ITPR3: variants seen among roughly 807,000 people sequenced by gnomAD.
ITPR3 encodes the protein inositol 1,4,5-trisphosphate-gated calcium channel ITPR3.
Under a neutral mutation model 293.2 loss-of-function variants are expected in ITPR3, and 173 were observed. The ratio of observed to expected loss-of-function variants is 0.59; its 90% CI spans 0.52 to 0.67. The LOEUF is 0.67. ITPR3 is among the 30% of genes least tolerant of loss of function. The pLI, the probability that ITPR3 is intolerant of heterozygous loss-of-function variation, is 0.00. For missense variants in ITPR3, 2,796 were observed against 3,592.1 expected (o/e 0.78, Z 5.66); for synonymous variants, 1,295 against 1,444.4 (o/e 0.90, Z 2.35).
At position 33,675,661 on chromosome 6, in the gene ITPR3, C is replaced by T. The variant is rs1764885759; in HGVS notation, c.3117-30C>T. The T allele has an allele frequency of 6.4e-7, 1 of 1,565,184 alleles. No individual in the cohort carries two copies. Among genetic ancestry groups the T allele is most frequent in the Non-Finnish European group, 8.7e-7 (1 of 1,152,490 alleles). On this transcript the variant is annotated intron_variant, in intron 24 of 57. Coordinates refer to ENST00000605930, the MANE Select transcript of ITPR3 (RefSeq NM_002224.4). The surrounding 1 kb of genome is among the most constrained non-coding windows in gnomAD (Gnocchi z 5.0). ...GACAGCAGGGAGTGTGCCAGTCTCA[C>T]CCATGCGCCCTGCACCCTTGTGCCC...
rs1278542625 is a variant in ITPR3, at chr6:33,685,080, A to C, written c.5307+137A>C. On this transcript the variant is annotated intron_variant, in intron 39 of 57. Transcript: ENST00000605930. ...CCTGAGCAGTGGCTGAGAGGTGAGA[A>C]GAGTGGGCATGATGGGGGCAGGGTG... 2.8e-6 allele frequency: 3 copies of C among 1,062,094 alleles called. No individual in the cohort carries two copies. In the Admixed American group the frequency reaches 8.0e-5, roughly 28 times the overall value. The allele number at this position is 1,062,094 out of a possible 1,614,324, so 65.8% of individuals were successfully genotyped here. A position where few individuals can be genotyped will look rare whatever the true frequency, so the allele number is the denominator to read the frequency against.
intron 7 of ITPR3, among the ~76,000 whole-genome samples, chr6:33,661,086 A>G (rs12204421): frequency 0.23 from 35,175 of 152,144 alleles, 4,253 homozygotes; most frequent in Middle Eastern, 0.33. Flanking sequence ...TGCTAAGTCC[A>G]CTGCTTTTTT....
Position 33,691,653 on chromosome 6 carries a change from G to A in ITPR3, c.7264G>A (p.Val2422Met). The change falls in exon 53 of 58, where the codon GTG (valine) becomes ATG (methionine). Residue 2422 changes from valine (V) to methionine (M), a missense_variant. This residue lies in a region of ITPR3 where 568 missense variants were observed against 796.1 expected (regional missense o/e 0.71). Transcript: ENST00000605930. The surrounding 1 kb of genome is among the most constrained non-coding windows in gnomAD (Gnocchi z 4.9). ...LGMPHGAAAF[V>M]DTCSGDKMDC... ...GATGCCACATGGAGCTGCTGCATTTGTGGACACCTGCAGTGGGGACAAGAT... is the reference window on the plus strand; with the variant it reads ...GATGCCACATGGAGCTGCTGCATTTATGGACACCTGCAGTGGGGACAAGAT... The A allele has an allele frequency of 6.2e-7, 1 of 1,614,106 alleles. No homozygotes were observed. The highest frequency in any genetic ancestry group is 8.5e-7 in the Non-Finnish European group (1 of 1,180,006).
chr6:33,665,706 TG>T, intron 13 of ITPR3, 128 bp from the exon 14 acceptor site: 1 of 982,962 alleles, frequency 1.0e-6, no homozygotes, highest in Non-Finnish European at 1.5e-6. Context: ...AGGCTGAGGA[TG>T]GGTTTTGTGC....
At chr6:33,673,837 C>T in intron 23 of ITPR3, 117 bp downstream of exon 23, 1 of 1,189,408 alleles carries the variant, frequency 8.4e-7, no homozygotes, top group Admixed American at 2.5e-5. Flanking sequence ...AAGGCCTTTT[C>T]TTTCCACTGT....
At position 33,673,710 on chromosome 6, in the gene ITPR3, C is replaced by A; in HGVS notation, c.3048C>A (p.Phe1016Leu). 1.2e-6 allele frequency: 2 copies of A among 1,614,130 alleles called. No individual in the cohort carries two copies. Among genetic ancestry groups the A allele is most frequent in the Non-Finnish European group, 1.7e-6 (2 of 1,179,992 alleles). ...DSGADGTAPAFDSTTANMNLD... is the reference protein window; with the variant it reads ...DSGADGTAPALDSTTANMNLD... ...GGGCTGATGGCACAGCCCCTGCCTT[C>A]GACTCTACCAGTAAGCCCCTGCCCT... Residue 1016 changes from phenylalanine to leucine, a missense_variant, in exon 23 of 58, where the codon TTC (phenylalanine) becomes TTA (leucine). Physicochemically the swap from Phe to Leu is conservative, Grantham distance 22. Around this residue, in one of 8 missense-constraint regions of ITPR3, gnomAD observed 955 missense variants for 1,180.8 expected, o/e 0.81. Transcript: ENST00000605930.
rs763772789 is a variant in ITPR3, at chr6:33,685,353, C to A, written c.5308-6C>A. 6.2e-7 allele frequency: 1 copy of A among 1,606,642 alleles called. No homozygotes were observed. The highest frequency in any genetic ancestry group is 1.3e-5 in the African/African-American group (1 of 74,950). ...AGGTTGTTCCCTGGCCACTGTCCAC[C>A]TCCAGAAATCCTTCCACAACCTGAT... On this transcript the variant is annotated splice_region_variant and splice_polypyrimidine_tract_variant and intron_variant, in intron 39 of 57. Coordinates refer to ENST00000605930, the MANE Select transcript of ITPR3 (RefSeq NM_002224.4).
At chr6:33,640,199 G>A (rs1432007221) in intron 1 of ITPR3, among the ~76,000 whole-genome samples, 3 of 152,128 alleles carry the variant, frequency 2.0e-5, no homozygotes, top group Non-Finnish European at 2.9e-5. Flanking sequence ...TGACAGGCCC[G>A]ACTGGTGGCA....
Position 33,670,679 on chromosome 6 carries a change from C to T in ITPR3, c.2450C>T (p.Ser817Phe), listed in dbSNP as rs749658730. ...PTAITIKDYDSNLNASRDDKK... is the reference protein window; with the variant it reads ...PTAITIKDYDFNLNASRDDKK... The stretch of plus-strand genomic sequence containing the variant: ...ATGGCCTCCACCCTCAGCTATGATT[C>T]CAACCTCAACGCGTCCCGAGATGAC... The change falls in exon 20 of 58, where the codon TCC becomes TTC. Residue 817 changes from serine (S) to phenylalanine (F), a missense_variant. Ser to Phe is a radical substitution (Grantham distance 155, BLOSUM62 -2). Coordinates refer to ENST00000605930, the MANE Select transcript of ITPR3 (RefSeq NM_002224.4). The surrounding 1 kb of genome is among the most constrained non-coding windows in gnomAD (Gnocchi z 6.7). 26 of 1,613,978 alleles carry T rather than the reference C, an allele frequency of 1.6e-5. No homozygotes were observed. The highest frequency in any genetic ancestry group is 1.5e-4 in the Admixed American group (9 of 60,000).
At chr6:33,681,824 C>T (rs1255100169) in intron 33 of ITPR3, among the ~76,000 whole-genome samples, 2 of 152,134 alleles carry the variant, frequency 1.3e-5, no homozygotes, top group Non-Finnish European at 2.9e-5. Flanking sequence ...ATCAGCTTTC[C>T]CCATCCTTGA....
chr6:33,685,007 G>T, intron 39 of ITPR3, 64 bp downstream of exon 39: 1 of 1,544,258 alleles, frequency 6.5e-7, no homozygotes, highest in South Asian at 1.2e-5. Context: ...GAGGAGGTGG[G>T]CCTTGAGTTG....
intron 33 of ITPR3, among the ~76,000 whole-genome samples, chr6:33,681,711 G>A (rs1246757651): frequency 1.3e-5 from 2 of 152,152 alleles, no homozygotes; most frequent in Non-Finnish European, 2.9e-5. Flanking sequence ...AAGTCTGGGG[G>A]GAAAAATGCT....
chr6:33,686,157 G>T lies in ITPR3; in HGVS notation c.5772G>T (p.Leu1924=). 6.2e-7 allele frequency: 1 copy of T among 1,614,186 alleles called. No individual in the cohort carries two copies. The highest frequency in any genetic ancestry group is 8.5e-7 in the Non-Finnish European group (1 of 1,180,040). Residue 1924 remains leucine (L), a synonymous_variant, in exon 42 of 58, where the codon CTG becomes CTT. Transcript: ENST00000605930. ...MCGSTTGGLG[L]LGLYINEDNV... is the part of the protein sequence containing the mutation. The stretch of plus-strand genomic sequence containing the variant: ...GCAGCACCACGGGCGGCCTGGGGCT[G>T]CTGGGGCTCTACATCAATGAGGACA...
chr6:33,694,261 T>G (rs907216016), intron 56 of ITPR3: 1 of 156,232 alleles, frequency 6.4e-6, no homozygotes, highest in Admixed American at 6.2e-5. Flanking sequence ...TCTGTAATAA[T>G]GGAGTGAAGG....
Position 33,655,771 on chromosome 6 carries a change from C to T in ITPR3, c.166C>T (p.Leu56Phe). 6.2e-7 allele frequency: 1 copy of T among 1,614,110 alleles called. No homozygotes were observed. Among genetic ancestry groups the T allele is most frequent in the Non-Finnish European group, 8.5e-7 (1 of 1,179,996 alleles). The part of the protein sequence containing the change: ...DNPPKKFRDC[L>F]FKVCPMNRYS... ...CCCAACCTGCCCCACCACAGACTGC[C>T]TCTTCAAGGTGTGCCCCATGAACCG... is the stretch of plus-strand genomic sequence containing the variant. The change falls in exon 3 of 58, where the codon CTC (leucine) becomes TTC (phenylalanine). Residue 56 changes from leucine to phenylalanine, a missense_variant. Leu to Phe is a conservative substitution (Grantham distance 22). Around this residue, in one of 8 missense-constraint regions of ITPR3, gnomAD observed 53 missense variants for 45.7 expected, o/e 1.16. Coordinates refer to ENST00000605930, the MANE Select transcript of ITPR3 (RefSeq NM_002224.4). This position sits in a 1 kb window ranked among gnomAD's most constrained non-coding sequence, Gnocchi z 4.9.
At chr6:33,626,048 A>C (rs10947416) in intron 1 of ITPR3, among the ~76,000 whole-genome samples, 141,936 of 152,262 alleles carry the variant, frequency 0.93, 66,326 homozygotes, top group East Asian at 0.98. Context: ...AATCCTTACA[A>C]CTCAGCCGCC....
chr6:33,688,900 G>C, intron 49 of ITPR3, 119 bp downstream of exon 49: 10 of 1,345,754 alleles, frequency 7.4e-6, no homozygotes, highest in Non-Finnish European at 1.0e-5. Context: ...GTGTGCAGAA[G>C]CACCCCCTGC....
At chr6:33,694,881 G>T in intron 56 of ITPR3, 43 bp from the exon 57 acceptor site, 1 of 1,613,440 alleles carries the variant, frequency 6.2e-7, no homozygotes, top group East Asian at 2.2e-5. Context: ...GGCCTTTCTA[G>T]GCCGGGCCCA....
In ITPR3 at chr6:33,679,725, G is replaced by T. The variant is rs542159187; in HGVS notation, c.3973-157G>T. Among the ~76,000 whole-genome samples the T allele has an allele frequency of 6.6e-6, 1 of 152,268 alleles. No individual in the cohort carries two copies. The highest frequency in any genetic ancestry group is 1.9e-4 in the East Asian group (1 of 5,154). On this transcript the variant is annotated intron_variant, in intron 30 of 57. Coordinates refer to ENST00000605930, the MANE Select transcript of ITPR3 (RefSeq NM_002224.4). The surrounding 1 kb of genome is among the most constrained non-coding windows in gnomAD (Gnocchi z 4.2). ...TGCTGGCAGAGGGCCTGAGACATCA[G>T]CTGGGGAACCCCCAAATCCCAGCCA...
Sources: allele counts gnomAD v4.1 joint callset (sites outside exome capture counted in the v4.1 genomes callset), GRCh38; gene constraint gnomAD v4.1.1; regional missense constraint gnomAD v4.1.1; non-coding constraint Gnocchi (gnomAD v3.1); transcripts MANE v1.5; gene names NCBI Gene and HGNC (gene_info 2026-07-23, HGNC 2026-07-21).